The following ATXN10 variants were observed in gnomAD, a reference collection of about 807,000 sequenced individuals.
ATXN10 encodes the protein ataxin-10.
A neutral mutation model predicts 52.9 loss-of-function variants in ATXN10; 28 were observed. That is an observed-to-expected ratio of 0.53 (90% CI 0.39 to 0.73). The LOEUF (loss-of-function observed/expected upper bound fraction) is 0.73, where lower values mean the gene tolerates loss of function less well. ATXN10 is among the 30% of genes least tolerant of loss of function. The pLI is 0.00. For synonymous variants in ATXN10, 226 were observed against 221.5 expected, an observed-to-expected ratio of 1.02 and a Z score of -0.18; for missense variants, 565 against 577.0, an observed-to-expected ratio of 0.98 and a Z score of 0.21.
chr22:45,752,345 G>A (rs984511628), intron 9 of ATXN10, among the ~76,000 whole-genome samples: 1 of 152,200 alleles, frequency 6.6e-6, no homozygotes, highest in African/African-American at 2.4e-5. Context: ...GTGTGTGACA[G>A]GATTGAGAGC....
chr22:45,719,051 A>G (rs1360749295), intron 6 of ATXN10, among the ~76,000 whole-genome samples: 3 of 138,714 alleles, frequency 2.2e-5, no homozygotes, highest in African/African-American at 7.9e-5. Flanking sequence ...GTGTGTGTGT[A>G]TTTTTTTTTT....
intron 9 of ATXN10, among the ~76,000 whole-genome samples, chr22:45,793,978 C>A (rs779255136): frequency 9.2e-5 from 14 of 152,230 alleles, no homozygotes; most frequent in Admixed American, 2.6e-4. Context: ...CAGGTCTGCA[C>A]TCATATTTAT....
intron 6 of ATXN10, among the ~76,000 whole-genome samples, chr22:45,723,729 TC>T (rs1471171531): frequency 6.6e-6 from 1 of 152,028 alleles, no homozygotes; most frequent in Non-Finnish European, 1.5e-5. Flanking sequence ...GTGGAGGAAG[TC>T]AGATCACTTG....
At chr22:45,771,345 T>C (rs1414435430) in intron 9 of ATXN10, among the ~76,000 whole-genome samples, 1 of 152,170 alleles carries the variant, frequency 6.6e-6, no homozygotes, top group African/African-American at 2.4e-5. Flanking sequence ...TGTTGTAGTT[T>C]TTATTGCCCT....
intron 9 of ATXN10, chr22:45,792,885 T>C: frequency 2.0e-6 from 1 of 494,416 alleles, no homozygotes. Context: ...GTTAAATTCT[T>C]CTAAACTTGC....
rs1273845445 is a variant in ATXN10 at position 45,820,473 on chromosome 22, G to A, written c.1237+13451G>A. ...TGAGCAACTTGGAGGGAATTCAGAG[G>A]TCTGCTTTTCTGCCTGGAGTTGACT... On this transcript the variant is annotated intron_variant, in intron 10 of 11. Transcript: ENST00000252934. The surrounding 1 kb of genome is among the most constrained non-coding windows in gnomAD (Gnocchi z 4.9). 1.3e-5 allele frequency among the ~76,000 whole-genome samples: 2 copies of A among 152,186 alleles called. No homozygotes were observed. The highest frequency in any genetic ancestry group is 4.8e-5 in the African/African-American group (2 of 41,454).
At chr22:45,689,516 T>G in intron 1 of ATXN10, 196 bp from the exon 2 acceptor site, 2 of 606,526 alleles carry the variant, frequency 3.3e-6, no homozygotes, top group Non-Finnish European at 5.9e-6. Context: ...ACATGAGAAG[T>G]GACAAGAACA....
At chr22:45,800,652 G>A (rs1927901003) in intron 9 of ATXN10, among the ~76,000 whole-genome samples, 1 of 152,226 alleles carries the variant, frequency 6.6e-6, no homozygotes, top group African/African-American at 2.4e-5. Context: ...TGTGTTCATA[G>A]CATCTCCATT....
chr22:45,711,198 G>A (rs138153), intron 5 of ATXN10, among the ~76,000 whole-genome samples: 2 of 151,874 alleles, frequency 1.3e-5, no homozygotes, highest in Admixed American at 6.6e-5. Context: ...AAAGGAACAA[G>A]TGTTGGTACA....
intron 1 of ATXN10, chr22:45,675,324 C>T (rs770668399): frequency 6.6e-6 from 1 of 152,106 alleles, no homozygotes; most frequent in African/African-American, 2.4e-5. Context: ...TTAAATATGT[C>T]CACAAATTCT....
In ATXN10 at chr22:45,701,180, A is replaced by C. The variant is rs1330894168; in HGVS notation, c.488+802A>C. Among the ~76,000 whole-genome samples the C allele has an allele frequency of 1.3e-5, 2 of 152,176 alleles. No homozygotes were observed. Among genetic ancestry groups the C allele is most frequent in the East Asian group, 3.8e-4 (2 of 5,198 alleles). ...CAGCAGGGTAGCAGCTGTTGTGTACATACCCTGAACTGGGCATTATCCGTA... is the reference window on the plus strand; with the variant it reads ...CAGCAGGGTAGCAGCTGTTGTGTACCTACCCTGAACTGGGCATTATCCGTA... On this transcript the variant is annotated intron_variant, in intron 4 of 11. Transcript: ENST00000252934. The surrounding 1 kb of genome is among the most constrained non-coding windows in gnomAD (Gnocchi z 4.2).
chr22:45,765,500 A>G (rs1926550476), intron 9 of ATXN10, among the ~76,000 whole-genome samples: 1 of 152,136 alleles, frequency 6.6e-6, no homozygotes, highest in African/African-American at 2.4e-5. Context: ...TTGCTCTAGA[A>G]TCAGCTGGGA....
rs527442463 is a variant in ATXN10, at chr22:45,723,749, A to G, written c.728+5256A>G. Among the ~76,000 whole-genome samples the G allele has an allele frequency of 1.3e-4, 20 of 152,260 alleles. No homozygotes were observed. In the South Asian group the frequency reaches 4.2e-3, roughly 32 times the overall value. ...GGAAGTCAGATCACTTGAGACCAGG[A>G]GTTTGAGACTAGCCTGGCCAGCATG... On this transcript the variant is annotated intron_variant, in intron 6 of 11. Coordinates refer to ENST00000252934, the MANE Select transcript of ATXN10 (RefSeq NM_013236.4).
At chr22:45,714,230 T>C (rs1247880319) in intron 5 of ATXN10, among the ~76,000 whole-genome samples, 1 of 152,134 alleles carries the variant, frequency 6.6e-6, no homozygotes, top group Non-Finnish European at 1.5e-5. Context: ...TTTTTTTCTT[T>C]TATGTGTATT....
At chr22:45,810,888 T>A (rs1928259204) in intron 10 of ATXN10, among the ~76,000 whole-genome samples, 1 of 152,216 alleles carries the variant, frequency 6.6e-6, no homozygotes, top group Non-Finnish European at 1.5e-5. Flanking sequence ...CTTGATATCC[T>A]CTGTCTTATG....
rs1924299641 is a variant in ATXN10 at position 45,712,779 on chromosome 22, C to G, written c.648-5634C>G. On this transcript the variant is annotated intron_variant, in intron 5 of 11. Coordinates refer to ENST00000252934, the MANE Select transcript of ATXN10 (RefSeq NM_013236.4). The surrounding 1 kb of genome is among the most constrained non-coding windows in gnomAD (Gnocchi z 4.6). The stretch of plus-strand genomic sequence containing the variant: ...GTTATTTTTCTAGTTTAATGCTACT[C>G]ACGTTTAACCCGTTGGAAATGTTAT... Among the ~76,000 whole-genome samples, 1 of 152,148 alleles carries G rather than the reference C, an allele frequency of 6.6e-6. No individual in the cohort carries two copies. Among genetic ancestry groups the G allele is most frequent in the South Asian group, 2.1e-4 (1 of 4,828 alleles).
chr22:45,798,648 A>C (rs921293810), intron 9 of ATXN10, among the ~76,000 whole-genome samples: 6 of 152,214 alleles, frequency 3.9e-5, no homozygotes, highest in African/African-American at 1.4e-4. Flanking sequence ...CCACTCCAGT[A>C]AACAACGTGC....
rs1186272439 is a variant in ATXN10 at position 45,784,642 on chromosome 22, C to T, written c.1174-22317C>T. Among the ~76,000 whole-genome samples, 2 of 152,142 alleles carry T rather than the reference C, an allele frequency of 1.3e-5. No homozygotes were observed. Among genetic ancestry groups the T allele is most frequent in the Non-Finnish European group, 2.9e-5 (2 of 68,026 alleles). Reference sequence around the variant, plus strand: ...CTGTGGGCTCGCCTGTCGACCCCCTCCCTGTGCCCAGAGGACACACAGCTT... The same window carrying T: ...CTGTGGGCTCGCCTGTCGACCCCCTTCCTGTGCCCAGAGGACACACAGCTT... On this transcript the variant is annotated intron_variant, in intron 9 of 11. Transcript: ENST00000252934. The surrounding 1 kb of genome is among the most constrained non-coding windows in gnomAD (Gnocchi z 4.2).
Position 45,731,475 on chromosome 22 carries a change from A to G in ATXN10, c.894+1885A>G, listed in dbSNP as rs187605522. On this transcript the variant is annotated intron_variant, in intron 7 of 11. Transcript: ENST00000252934. The stretch of plus-strand genomic sequence containing the variant: ...TTCATTGCATGTATATTATACCTCA[A>G]TAAAGCTGATTTAAACAATAAAAGA... 1.3e-3 allele frequency among the ~76,000 whole-genome samples: 202 copies of G among 152,314 alleles called. 1 individual carries two copies. The highest frequency in any genetic ancestry group is 4.6e-3 in the African/African-American group (192 of 41,562).
Sources: gnomAD v4.1 joint callset for allele counts (sites outside exome capture counted in the v4.1 genomes callset) on GRCh38, gnomAD v4.1.1 for gene constraint, Gnocchi (gnomAD v3.1) non-coding constraint, MANE v1.5 for transcripts, NCBI Gene and HGNC (gene_info 2026-07-23, HGNC 2026-07-21) for gene names.